DNMT3B: variants seen among roughly 807,000 people sequenced by gnomAD.
DNMT3B encodes the protein DNA methyltransferase 3 beta.
Under a neutral mutation model 120.2 loss-of-function variants are expected in DNMT3B, and 37 were observed. The observed-to-expected ratio is 0.31, with a 90% CI of 0.24 to 0.40. The LOEUF (loss-of-function observed/expected upper bound fraction) is 0.40, where lower values mean the gene tolerates loss of function less well. Among genes scored for constraint, DNMT3B ranks in the 10% least tolerant of loss-of-function variants. The probability of loss-of-function intolerance (pLI) is 1.00; values close to 1 mark genes in which losing one functional copy is unlikely to be tolerated. For synonymous variants in DNMT3B, 412 were observed against 442.8 expected (o/e 0.93, Z 0.87); for missense variants, 878 against 1,137.3 (o/e 0.77, Z 3.28).
chr20:32,766,913 G>A (rs2037379821), intron 1 of DNMT3B, among the ~76,000 whole-genome samples: 1 of 151,448 alleles, frequency 6.6e-6, no homozygotes. Context: ...TTTTTGAGAT[G>A]GAGTTTCGCT....
chr20:32,773,458 G>A (rs888888562), intron 1 of DNMT3B, among the ~76,000 whole-genome samples: 1 of 152,110 alleles, frequency 6.6e-6, no homozygotes, highest in Non-Finnish European at 1.5e-5. Context: ...GTGTGGTGCT[G>A]TGGTGGGTAG....
chr20:32,798,547 G>T lies in DNMT3B; in HGVS notation c.1578G>T (p.Met526Ile), dbSNP rs1237892253. The T allele has an allele frequency of 4.3e-6, 7 of 1,614,118 alleles. No individual in the cohort carries two copies. The Admixed American group carries it at 6.7e-5, about 15-fold the overall frequency. Residue 526 changes from methionine (M) to isoleucine (I), a missense_variant, in exon 15 of 23, where the codon ATG becomes ATT. Met to Ile is a conservative substitution (Grantham distance 10, BLOSUM62 1). Coordinates refer to ENST00000328111, the MANE Select transcript of DNMT3B (RefSeq NM_006892.4). ...TTCAGGAGCCCTGGAGCTGTTACATGTGTCTCCCGCAGCGCTGTCATGGCG... is the reference window on the plus strand; with the variant it reads ...TTCAGGAGCCCTGGAGCTGTTACATTTGTCTCCCGCAGCGCTGTCATGGCG... ...AKLQEPWSCY[M>I]CLPQRCHGVL...
Position 32,765,750 on chromosome 20 carries a change from C to CTTTTTTTTTTT in DNMT3B, c.-7+3058_-7+3059insTTTTTTTTTTT, listed in dbSNP as rs1208508674. On this transcript the variant is annotated intron_variant, in intron 1 of 22. Transcript: ENST00000328111. ...TTATTTATTTATTTATTTATTTTTT[C>CTTTTTTTTTTT]TTTTTTTCTTTTTTTTTTTTTTTGA... Among the ~76,000 whole-genome samples, 8 of 108,438 alleles carry CTTTTTTTTTTT rather than the reference C, an allele frequency of 7.4e-5. 1 individual carries two copies. The East Asian group carries it at 9.6e-4, about 13-fold the overall frequency. 71.1% of individuals were successfully genotyped at this position (108,438 alleles called of 152,430 possible). A position where few individuals can be genotyped will look rare whatever the true frequency, so the allele number is the denominator to read the frequency against.
chr20:32,770,113 TA>T (rs112320594), intron 1 of DNMT3B, among the ~76,000 whole-genome samples: 5 of 151,258 alleles, frequency 3.3e-5, no homozygotes, highest in East Asian at 1.9e-4. Flanking sequence ...TCAGTTAATT[TA>T]AAAAAAAATT....
At chr20:32,798,895 T>C (rs921505481) in intron 15 of DNMT3B, among the ~76,000 whole-genome samples, 1 of 152,232 alleles carries the variant, frequency 6.6e-6, no homozygotes, top group Non-Finnish European at 1.5e-5. Context: ...TGGTTGTATG[T>C]AGCCTTCTGA....
rs6119965 is a variant in DNMT3B, at chr20:32,797,222, C to T, written c.1413C>T (p.Asp471=). The change falls in exon 14 of 23, where the codon GAC becomes GAT. Residue 471 remains aspartate (D), a synonymous_variant. Coordinates refer to ENST00000328111, the MANE Select transcript of DNMT3B (RefSeq NM_006892.4). ...TTGAGCTGTTTTACATGTATGATGA[C>T]GATGGCTATCAGTCTTACTGCACTG... ...RFLELFYMYD[D]DGYQSYCTVC... The T allele has an allele frequency of 2.3e-3, 3,645 of 1,614,150 alleles. 75 individuals are homozygous for T. The African/African-American group carries it at 0.043, about 19-fold the overall frequency.
chr20:32,800,710 C>T (rs891809600), intron 17 of DNMT3B, 125 bp from the exon 18 acceptor site: 14 of 1,072,790 alleles, frequency 1.3e-5, no homozygotes, highest in Non-Finnish European at 1.9e-5. Flanking sequence ...CCACCCCCGC[C>T]GTCAGCCTTC....
chr20:32,796,950 G>A, intron 13 of DNMT3B, 81 bp downstream of exon 13: 1 of 1,613,956 alleles, frequency 6.2e-7, no homozygotes, highest in Non-Finnish European at 8.5e-7. Context: ...GCACCTGTGT[G>A]GAGACTCAGT....
At chr20:32,779,804 C>T (rs1254131358) in intron 1 of DNMT3B, 1 of 432,622 alleles carries the variant, frequency 2.3e-6, no homozygotes, top group Non-Finnish European at 3.9e-6. Flanking sequence ...AGAAGCGGTT[C>T]TGTGGGGGAG....
intron 1 of DNMT3B, among the ~76,000 whole-genome samples, chr20:32,763,690 CTTCCCG>C: frequency 6.6e-6 from 1 of 152,338 alleles, no homozygotes; most frequent in African/African-American, 2.4e-5. Flanking sequence ...TGGGCCCAGG[CTTCCCG>C]CTGGAGGATC....
At chr20:32,766,676 C>T (rs967940962) in intron 1 of DNMT3B, among the ~76,000 whole-genome samples, 1 of 150,590 alleles carries the variant, frequency 6.6e-6, no homozygotes, top group Non-Finnish European at 1.5e-5. Context: ...CAACCTCTGC[C>T]TCCCAGGTTC....
intron 1 of DNMT3B, among the ~76,000 whole-genome samples, chr20:32,774,326 C>T (rs1175848065): frequency 6.6e-6 from 1 of 151,970 alleles, no homozygotes; most frequent in Non-Finnish European, 1.5e-5. Context: ...TCTCCTGCCT[C>T]AGCCTCCGGA....
At chr20:32,799,612 G>A (rs1390668560) in intron 16 of DNMT3B, among the ~76,000 whole-genome samples, 3 of 152,120 alleles carry the variant, frequency 2.0e-5, no homozygotes, top group African/African-American at 4.8e-5. Flanking sequence ...CCCCATCTCC[G>A]AGGTTCAAGT....
chr20:32,772,456 C>T (rs1382256007), intron 1 of DNMT3B, among the ~76,000 whole-genome samples: 1 of 152,192 alleles, frequency 6.6e-6, no homozygotes, highest in African/African-American at 2.4e-5. Flanking sequence ...AGAATATTGA[C>T]CTCCTTTGCC....
chr20:32,805,909 G>A lies in DNMT3B; in HGVS notation c.2302-300G>A, dbSNP rs114544843. Among the ~76,000 whole-genome samples the A allele has an allele frequency of 2.6e-3, 398 of 152,178 alleles. 2 individuals carry two copies. Among genetic ancestry groups the A allele is most frequent in the African/African-American group, 9.3e-3 (388 of 41,512 alleles). ...GGCCCCCCACGTGATCTCGTTCATG[G>A]TCACTTTTTTGTTTATCTCATTTTC... On this transcript the variant is annotated intron_variant, in intron 21 of 22. Coordinates refer to ENST00000328111, the MANE Select transcript of DNMT3B (RefSeq NM_006892.4).
chr20:32,795,375 C>T, intron 10 of DNMT3B, 34 bp from the exon 11 acceptor site: 1 of 1,613,522 alleles, frequency 6.2e-7, no homozygotes, highest in Non-Finnish European at 8.5e-7. Flanking sequence ...ACCCTCCTAC[C>T]AAGCCACGGC....
At chr20:32,773,736 C>G (rs1300417734) in intron 1 of DNMT3B, among the ~76,000 whole-genome samples, 1 of 151,578 alleles carries the variant, frequency 6.6e-6, no homozygotes, top group Admixed American at 6.6e-5. Context: ...CATCAGCCTC[C>G]GAGGAGGTGG....
In DNMT3B at chr20:32,786,582, C is replaced by A. The variant is rs747837431; in HGVS notation, c.387C>A (p.Gly129=). ...PSPRSTRGRQ[G]RNHVDESPVE... ...CACGTTCCACCCGAGGCCGGCAGGG[C>A]CGCAACCATGTGGACGAGTCCCCCG... Residue 129 remains glycine, a synonymous_variant, in exon 5 of 23, where the codon GGC becomes GGA. Transcript: ENST00000328111. 6.2e-7 allele frequency: 1 copy of A among 1,613,982 alleles called. No homozygotes were observed. The highest frequency in any genetic ancestry group is 1.1e-5 in the South Asian group (1 of 91,086).
At position 32,802,600 on chromosome 20, in the gene DNMT3B, T is replaced by C. The variant is rs529581352; in HGVS notation, c.2231+130T>C. 7 of 950,676 alleles carry C rather than the reference T, an allele frequency of 7.4e-6. No homozygotes were observed. In the African/African-American group the frequency reaches 8.0e-5, roughly 11 times the overall value. The allele number at this position is 950,676 out of a possible 1,614,324, so 58.9% of individuals were successfully genotyped here. ...AGTTATACTTGGATTTCAGACCACCTGTGGTCGTGCGGGTTGATCTCTGTT... is the reference window on the plus strand; with the variant it reads ...AGTTATACTTGGATTTCAGACCACCCGTGGTCGTGCGGGTTGATCTCTGTT... On this transcript the variant is annotated intron_variant, in intron 20 of 22. Transcript: ENST00000328111.
Sources: allele counts gnomAD v4.1 joint callset (sites outside exome capture counted in the v4.1 genomes callset), GRCh38; gene constraint gnomAD v4.1.1; transcripts MANE v1.5; gene names NCBI Gene and HGNC (gene_info 2026-07-23, HGNC 2026-07-21).